PARD3: variants seen among roughly 807,000 people sequenced by gnomAD.
PARD3 encodes the protein partitioning defective 3 homolog.
PARD3 carries 75 observed loss-of-function variants against 155.4 expected under a neutral mutation model. The ratio of observed to expected loss-of-function variants is 0.48; its 90% confidence interval spans 0.40 to 0.58. The LOEUF (loss-of-function observed/expected upper bound fraction) is 0.58. Among genes scored for constraint, PARD3 ranks in the 20% least tolerant of loss-of-function variants. The probability of loss-of-function intolerance (pLI) is 0.00; values close to 1 mark genes in which losing one functional copy is unlikely to be tolerated. For synonymous variants in PARD3, 576 were observed against 610.5 expected, an observed-to-expected ratio of 0.94 and a Z score of 0.83; for missense variants, 1,642 against 1,721.7, an observed-to-expected ratio of 0.95 and a Z score of 0.82.
rs373214766 is a variant in PARD3 at position 34,371,901 on chromosome 10, G to T, written c.1707+597C>A. Among the ~76,000 whole-genome samples, 9 of 152,154 alleles carry T rather than the reference G, an allele frequency of 5.9e-5. No individual in the cohort carries two copies. The East Asian group carries it at 9.7e-4, about 16-fold the overall frequency. On this transcript the variant is annotated intron_variant, in intron 12 of 24. Coordinates refer to ENST00000374788, the MANE Select transcript of PARD3 (RefSeq NM_001184785.2). ...TCCTTTTATTGTGTTAGTTCTGCCT[G>T]CTGGAACTAAGCTTACTCTTTTATC...
chr10:34,813,818 T>G (rs1020582121), intron 1 of PARD3, among the ~76,000 whole-genome samples: 1 of 152,098 alleles, frequency 6.6e-6, no homozygotes, highest in East Asian at 1.9e-4. Flanking sequence ...AAATGGGAAA[T>G]ACTGCACCCA....
chr10:34,741,174 ATTTTT>A lies in PARD3; in HGVS notation c.121-44760_121-44756del, dbSNP rs71033345. 2.4e-4 allele frequency among the ~76,000 whole-genome samples: 27 copies of A among 114,308 alleles called. No individual in the cohort carries two copies. The East Asian group carries it at 7.6e-3, about 32-fold the overall frequency. 75.0% of individuals were successfully genotyped at this position (114,308 alleles called of 152,430 possible). On this transcript the variant is annotated intron_variant, in intron 1 of 24. Coordinates refer to ENST00000374788, the MANE Select transcript of PARD3 (RefSeq NM_001184785.2). ...CAACTGCTGTGTTTTCGTAAACCAA[ATTTTT>A]TTTTTTTTTTTTTTTGTTTGAGAGA...
At chr10:34,660,146 A>T (rs1165681193) in intron 2 of PARD3, among the ~76,000 whole-genome samples, 2 of 152,208 alleles carry the variant, frequency 1.3e-5, no homozygotes, top group Admixed American at 1.3e-4. Flanking sequence ...TGTAAACTGT[A>T]ACCTAAAATA....
At chr10:34,113,101 T>C (rs1257633463) in intron 24 of PARD3, among the ~76,000 whole-genome samples, 1 of 152,230 alleles carries the variant, frequency 6.6e-6, no homozygotes. Context: ...AAGGAACTTG[T>C]GACTGATATT....
chr10:34,312,230 C>T (rs1028373792), intron 20 of PARD3: 5 of 1,560,224 alleles, frequency 3.2e-6, no homozygotes, highest in East Asian at 2.3e-5. Context: ...CTGCTGATGT[C>T]GTAAACAAAA....
intron 22 of PARD3, among the ~76,000 whole-genome samples, chr10:34,217,705 G>C (rs1012824150): frequency 5.3e-5 from 8 of 152,070 alleles, no homozygotes; most frequent in African/African-American, 1.9e-4. Context: ...CTAAGGGTGA[G>C]ATGCTTTTGG....
At chr10:34,352,795 C>A in intron 14 of PARD3, among the ~76,000 whole-genome samples, 1 of 152,202 alleles carries the variant, frequency 6.6e-6, no homozygotes, top group Non-Finnish European at 1.5e-5. Flanking sequence ...AGCCTCTCTG[C>A]CTGGTCGCCC....
chr10:34,201,253 T>C (rs1191235483), intron 22 of PARD3, among the ~76,000 whole-genome samples: 2 of 152,190 alleles, frequency 1.3e-5, no homozygotes, highest in Non-Finnish European at 2.9e-5. Flanking sequence ...GAGCTAGCAG[T>C]GTGGCATACC....
At chr10:34,136,859 G>A (rs749669069) in intron 22 of PARD3, among the ~76,000 whole-genome samples, 7 of 152,050 alleles carry the variant, frequency 4.6e-5, no homozygotes, top group Non-Finnish European at 7.3e-5. Context: ...CCCAAATACT[G>A]ACTTACAGAG....
chr10:34,113,149 T>C (rs571064105), intron 24 of PARD3, among the ~76,000 whole-genome samples: 1 of 152,244 alleles, frequency 6.6e-6, no homozygotes, highest in African/African-American at 2.4e-5. Context: ...GAGTTATCAG[T>C]TTGAAGATAA....
intron 2 of PARD3, among the ~76,000 whole-genome samples, chr10:34,670,658 TCTATAAGCAC>T (rs2093595019): frequency 6.6e-6 from 1 of 152,162 alleles, no homozygotes; most frequent in Non-Finnish European, 1.5e-5. Flanking sequence ...TTTTAGAGTA[TCTATAAGCAC>T]CTAGTGAAAC....
intron 19 of PARD3, among the ~76,000 whole-genome samples, chr10:34,326,796 CCTAT>C (rs1835078161): frequency 6.6e-6 from 1 of 152,196 alleles, no homozygotes; most frequent in South Asian, 2.1e-4. Context: ...GTGCTTTTCT[CCTAT>C]CTCTTAATAA....
chr10:34,375,883 T>G (rs1841178900), intron 10 of PARD3, among the ~76,000 whole-genome samples: 1 of 152,184 alleles, frequency 6.6e-6, no homozygotes, highest in South Asian at 2.1e-4. Flanking sequence ...GTACTACTAT[T>G]AAGGAATTGC....
chr10:34,227,856 T>TATATACATATATA (rs1554814034), intron 22 of PARD3, among the ~76,000 whole-genome samples: 1 of 82,278 alleles, frequency 1.2e-5, no homozygotes, highest in Non-Finnish European at 2.3e-5. Flanking sequence ...GAATTATTTT[T>TATATACATATATA]TATATATATA....
At chr10:34,239,135 G>A (rs560011781) in intron 22 of PARD3, among the ~76,000 whole-genome samples, 22 of 152,254 alleles carry the variant, frequency 1.4e-4, no homozygotes, top group African/African-American at 4.3e-4. Flanking sequence ...AAGTTAAATC[G>A]AACATTTTAT....
At chr10:34,373,808 G>A (rs1840939099) in intron 11 of PARD3, among the ~76,000 whole-genome samples, 1 of 151,780 alleles carries the variant, frequency 6.6e-6, no homozygotes. Context: ...CAGGGGATAA[G>A]ATATTATGAC....
intron 24 of PARD3, among the ~76,000 whole-genome samples, chr10:34,115,599 T>G (rs531246582): frequency 1.3e-3 from 204 of 152,334 alleles, no homozygotes; most frequent in Non-Finnish European, 1.5e-3. Context: ...GATGGATATG[T>G]TAGCTAACTT....
chr10:34,381,938 A>AAAAAAAAAAAG (rs1841896500), intron 9 of PARD3, among the ~76,000 whole-genome samples: 1 of 133,818 alleles, frequency 7.5e-6, no homozygotes. Flanking sequence ...AAAAAAAAAA[A>AAAAAAAAAAAG]AAAGAAAGAA....
intron 22 of PARD3, among the ~76,000 whole-genome samples, chr10:34,216,221 C>G (rs756897140): frequency 2.0e-5 from 3 of 152,098 alleles, no homozygotes; most frequent in Non-Finnish European, 4.4e-5. Flanking sequence ...GAAACATGCA[C>G]AAAATTGAGC....
Sources: gnomAD v4.1 joint callset for allele counts (sites outside exome capture counted in the v4.1 genomes callset) on GRCh38, gnomAD v4.1.1 for gene constraint, MANE v1.5 for transcripts, NCBI Gene and HGNC (gene_info 2026-07-23, HGNC 2026-07-21) for gene names.